The following PLA2G4A variants were observed in gnomAD, a reference collection of about 807,000 sequenced individuals.
The protein encoded by PLA2G4A is cytosolic phospholipase A2.
PLA2G4A carries 40 observed loss-of-function variants against 81.9 expected under a neutral mutation model. The ratio of observed to expected loss-of-function variants is 0.49; its 90% CI spans 0.38 to 0.64. The LOEUF is 0.64. PLA2G4A is among the 30% of genes least tolerant of loss of function. PLA2G4A has a pLI of 0.00. For missense variants in PLA2G4A, 715 were observed against 905.1 expected, an observed-to-expected ratio of 0.79 and a Z score of 2.69; for synonymous variants, 302 against 296.9, an observed-to-expected ratio of 1.02 and a Z score of -0.18.
intron 15 of PLA2G4A, among the ~76,000 whole-genome samples, chr1:186,970,767 T>C (rs551380334): frequency 6.6e-6 from 1 of 152,268 alleles, no homozygotes; most frequent in South Asian, 2.1e-4. Flanking sequence ...TTGGTCTATA[T>C]GTCCGTTTTT....
chr1:186,969,666 G>A lies in PLA2G4A; in HGVS notation c.1764+4073G>A, dbSNP rs182871060. On this transcript the variant is annotated intron_variant, in intron 15 of 17. Transcript: ENST00000367466. Reference sequence around the variant, plus strand: ...GAGCATGTAATATTTGTCTTTCTGCGCCTGGATTATTTAACTTAACATAAT... The same window carrying A: ...GAGCATGTAATATTTGTCTTTCTGCACCTGGATTATTTAACTTAACATAAT... 3.2e-3 allele frequency among the ~76,000 whole-genome samples: 488 copies of A among 151,716 alleles called. 2 individuals carry two copies. The highest frequency in any genetic ancestry group is 5.2e-3 in the Non-Finnish European group (352 of 67,746).
At chr1:186,864,476 T>G (rs919131135) in intron 2 of PLA2G4A, among the ~76,000 whole-genome samples, 2 of 152,072 alleles carry the variant, frequency 1.3e-5, no homozygotes, top group African/African-American at 2.4e-5. Context: ...ATTTTTGTGG[T>G]TTTTTTAATG....
intron 1 of PLA2G4A, among the ~76,000 whole-genome samples, chr1:186,832,514 A>C (rs1281139567): frequency 1.3e-5 from 2 of 152,178 alleles, no homozygotes; most frequent in East Asian, 3.8e-4. Context: ...AGCAATATAA[A>C]AGAGTAGAGT....
chr1:186,914,268 A>G (rs143097544), intron 7 of PLA2G4A, among the ~76,000 whole-genome samples: 13 of 11,790 alleles, frequency 1.1e-3, no homozygotes, highest in African/African-American at 3.4e-3. Flanking sequence ...TTATATATAT[A>G]TGTTTTTTTC....
chr1:186,870,270 G>C lies in PLA2G4A; in HGVS notation c.34-165G>C, dbSNP rs148416372. ...GGCACAATCTAAACTCAATGATTCT[G>C]TGATGAGAGAGAAGAGAGTCAAAAA... On this transcript the variant is annotated intron_variant, in intron 2 of 17. Transcript: ENST00000367466. 3.1e-4 allele frequency among the ~76,000 whole-genome samples: 47 copies of C among 152,292 alleles called. No homozygotes were observed. The East Asian group carries it at 6.8e-3, about 22-fold the overall frequency.
chr1:186,829,522 C>T (rs1355327036), intron 1 of PLA2G4A, among the ~76,000 whole-genome samples: 1 of 151,876 alleles, frequency 6.6e-6, no homozygotes, highest in Non-Finnish European at 1.5e-5. Flanking sequence ...CCTGGCTAGT[C>T]AATATTTTGC....
intron 3 of PLA2G4A, among the ~76,000 whole-genome samples, chr1:186,880,467 C>A (rs1653686751): frequency 6.6e-6 from 1 of 151,764 alleles, no homozygotes; most frequent in Non-Finnish European, 1.5e-5. Flanking sequence ...AACAATTTTG[C>A]CTCCTGGTGC....
intron 7 of PLA2G4A, among the ~76,000 whole-genome samples, chr1:186,928,895 G>C (rs1310874356): frequency 6.6e-6 from 1 of 152,046 alleles, no homozygotes; most frequent in Admixed American, 6.6e-5. Context: ...GGTGATATTA[G>C]GTCCAAATAT....
At chr1:186,842,273 G>C (rs774795449) in intron 1 of PLA2G4A, among the ~76,000 whole-genome samples, 1 of 151,946 alleles carries the variant, frequency 6.6e-6, no homozygotes, top group Non-Finnish European at 1.5e-5. Context: ...AAATTCCTGA[G>C]CTCAGACAAT....
At chr1:186,982,427 A>T (rs541982953) in intron 17 of PLA2G4A, among the ~76,000 whole-genome samples, 1 of 152,330 alleles carries the variant, frequency 6.6e-6, no homozygotes, top group South Asian at 2.1e-4. Flanking sequence ...TGGGTGATGC[A>T]TGATTACAGA....
At chr1:186,922,522 C>A (rs1249931189) in intron 7 of PLA2G4A, among the ~76,000 whole-genome samples, 2 of 152,170 alleles carry the variant, frequency 1.3e-5, no homozygotes, top group African/African-American at 4.8e-5. Flanking sequence ...TCCACTGGGG[C>A]AGTTGCCTAC....
intron 5 of PLA2G4A, among the ~76,000 whole-genome samples, chr1:186,897,532 AGG>A (rs1221628019): frequency 6.6e-6 from 1 of 152,040 alleles, no homozygotes; most frequent in Non-Finnish European, 1.5e-5. Context: ...TTTTTGAGAC[AGG>A]GTCTCGCTCT....
intron 10 of PLA2G4A, among the ~76,000 whole-genome samples, chr1:186,944,473 T>TTC (rs1656266581): frequency 6.6e-6 from 1 of 152,138 alleles, no homozygotes; most frequent in South Asian, 2.1e-4. Flanking sequence ...GATAGGAAAT[T>TTC]ACTTGTATGA....
intron 17 of PLA2G4A, among the ~76,000 whole-genome samples, chr1:186,980,156 G>A (rs1450827639): frequency 6.6e-6 from 1 of 152,058 alleles, no homozygotes; most frequent in Non-Finnish European, 1.5e-5. Flanking sequence ...CACCGTGTTA[G>A]TCTCCATCTC....
intron 1 of PLA2G4A, among the ~76,000 whole-genome samples, chr1:186,839,832 T>A (rs1651914798): frequency 6.6e-6 from 1 of 152,060 alleles, no homozygotes; most frequent in Non-Finnish European, 1.5e-5. Context: ...TACATGAAAC[T>A]TTGGAACTAT....
chr1:186,835,138 T>C (rs1030382420), intron 1 of PLA2G4A, among the ~76,000 whole-genome samples: 5 of 152,152 alleles, frequency 3.3e-5, no homozygotes, highest in African/African-American at 9.6e-5. Flanking sequence ...TGAATTTCAG[T>C]CAGTAAATTG....
intron 13 of PLA2G4A, among the ~76,000 whole-genome samples, chr1:186,955,870 A>G (rs1277455201): frequency 6.7e-6 from 1 of 149,444 alleles, no homozygotes; most frequent in African/African-American, 2.5e-5. Context: ...AGTAGCTGGG[A>G]CTAGAGGTGC....
At chr1:186,913,270 T>A (rs1414350939) in intron 7 of PLA2G4A, among the ~76,000 whole-genome samples, 2 of 152,014 alleles carry the variant, frequency 1.3e-5, no homozygotes, top group Non-Finnish European at 2.9e-5. Context: ...AATATAAATA[T>A]AAACAAATAT....
intron 1 of PLA2G4A, among the ~76,000 whole-genome samples, chr1:186,830,952 T>A (rs867708598): frequency 0.01 from 420 of 41,210 alleles, 3 homozygotes; most frequent in East Asian, 0.068. Flanking sequence ...CTTGCTTGCT[T>A]GCTTGCTTTC....
Sources: allele counts gnomAD v4.1 joint callset (sites outside exome capture counted in the v4.1 genomes callset), GRCh38; gene constraint gnomAD v4.1.1; transcripts MANE v1.5; gene names NCBI Gene and HGNC (gene_info 2026-07-23, HGNC 2026-07-21).